The following PARD3 variants were observed in gnomAD, a reference collection of about 807,000 sequenced individuals.
PARD3 encodes par-3 family cell polarity regulator.
PARD3 carries 75 observed loss-of-function variants against 155.4 expected under a neutral mutation model. That is an observed-to-expected ratio of 0.48 (90% CI 0.40 to 0.58). The LOEUF (loss-of-function observed/expected upper bound fraction) is 0.58, where lower values mean the gene tolerates loss of function less well. PARD3 is among the 20% of genes least tolerant of loss of function. The pLI, the probability that PARD3 is intolerant of heterozygous loss-of-function variation, is 0.00. For missense variants in PARD3, 1,642 were observed against 1,721.7 expected (o/e 0.95, Z 0.82); for synonymous variants, 576 against 610.5 (o/e 0.94, Z 0.83).
At chr10:34,200,809 A>AT (rs1951175950) in intron 22 of PARD3, among the ~76,000 whole-genome samples, 2 of 152,242 alleles carry the variant, frequency 1.3e-5, no homozygotes, top group African/African-American at 4.8e-5. Flanking sequence ...CGCCAGGGCT[A>AT]TAAGAGCAGA....
At chr10:34,649,112 T>C (rs1432091846) in intron 2 of PARD3, among the ~76,000 whole-genome samples, 1 of 152,102 alleles carries the variant, frequency 6.6e-6, no homozygotes, top group Non-Finnish European at 1.5e-5. Flanking sequence ...GACATGAGCA[T>C]ACAGAGACAT....
intron 1 of PARD3, among the ~76,000 whole-genome samples, chr10:34,737,831 C>G (rs2094942856): frequency 6.6e-6 from 1 of 152,194 alleles, no homozygotes. Flanking sequence ...CTAAGACACA[C>G]AGCAAACCAG....
chr10:34,724,824 C>T (rs1267854586), intron 1 of PARD3, among the ~76,000 whole-genome samples: 2 of 152,226 alleles, frequency 1.3e-5, no homozygotes, highest in Non-Finnish European at 2.9e-5. Context: ...CTACTGGATG[C>T]TGTAGCCCAA....
intron 23 of PARD3, among the ~76,000 whole-genome samples, chr10:34,124,697 G>T (rs146818923): frequency 6.6e-6 from 1 of 152,094 alleles, no homozygotes; most frequent in South Asian, 2.1e-4. Context: ...AAGCACACCC[G>T]TTTCCCTCAT....
At position 34,411,568 on chromosome 10, in the gene PARD3, G is replaced by T. The variant is rs115662148; in HGVS notation, c.715-9651C>A. 5.6e-3 allele frequency among the ~76,000 whole-genome samples: 848 copies of T among 152,188 alleles called. 9 individuals carry two copies. The highest frequency in any genetic ancestry group is 0.02 in the African/African-American group (827 of 41,524). Reference sequence around the variant, plus strand: ...TGGACTGAAGTATCAGATCTTCTGGGGGACTAGAGCTGCAGGCATTTGGGC... The same window carrying T: ...TGGACTGAAGTATCAGATCTTCTGGTGGACTAGAGCTGCAGGCATTTGGGC... On this transcript the variant is annotated intron_variant, in intron 5 of 24. Coordinates refer to ENST00000374788, the MANE Select transcript of PARD3 (RefSeq NM_001184785.2).
At position 34,761,933 on chromosome 10, in the gene PARD3, T is replaced by TAAATAC. The variant is rs149168690; in HGVS notation, c.120+52937_120+52942dup. ...CACACATATAAACATAACATAGATA[T>TAAATAC]AAATACAAATACATATATATAAAAT... On this transcript the variant is annotated intron_variant, in intron 1 of 24. Transcript: ENST00000374788. 4.9e-3 allele frequency among the ~76,000 whole-genome samples: 739 copies of TAAATAC among 152,184 alleles called. 3 individuals are homozygous for TAAATAC. Among genetic ancestry groups the TAAATAC allele is most frequent in the Non-Finnish European group, 8.8e-3 (599 of 68,006 alleles).
intron 2 of PARD3, among the ~76,000 whole-genome samples, chr10:34,533,986 A>G (rs542985600): frequency 2.9e-4 from 44 of 152,260 alleles, no homozygotes; most frequent in African/African-American, 9.6e-4. Context: ...AAGAGATAAT[A>G]AACACCCCCA....
At chr10:34,370,058 C>A (rs1402261184) in intron 12 of PARD3, among the ~76,000 whole-genome samples, 1 of 152,120 alleles carries the variant, frequency 6.6e-6, no homozygotes, top group African/African-American at 2.4e-5. Flanking sequence ...TAATATTAAG[C>A]CTTTTACAAC....
intron 22 of PARD3, among the ~76,000 whole-genome samples, chr10:34,143,133 A>C (rs1948283257): frequency 6.6e-6 from 1 of 152,186 alleles, no homozygotes; most frequent in South Asian, 2.1e-4. Flanking sequence ...CATCCTGGCC[A>C]ACATGGTGAA....
chr10:34,369,540 T>C (rs962186612), intron 12 of PARD3, among the ~76,000 whole-genome samples: 2 of 152,302 alleles, frequency 1.3e-5, no homozygotes, highest in East Asian at 1.9e-4. Flanking sequence ...CAGTCATAGA[T>C]AGGACTGCAA....
At chr10:34,413,469 A>G (rs1004742159) in intron 5 of PARD3, among the ~76,000 whole-genome samples, 19 of 131,518 alleles carry the variant, frequency 1.4e-4, no homozygotes, top group Admixed American at 7.1e-4. Flanking sequence ...TTTTCCACTT[A>G]TTTGAGAAAC....
intron 20 of PARD3, among the ~76,000 whole-genome samples, chr10:34,285,716 C>T (rs1283663012): frequency 1.3e-5 from 2 of 151,900 alleles, no homozygotes; most frequent in Non-Finnish European, 2.9e-5. Flanking sequence ...CAATACTTGT[C>T]TACATATGAA....
chr10:34,767,383 G>A (rs182281867), intron 1 of PARD3, among the ~76,000 whole-genome samples: 2 of 152,218 alleles, frequency 1.3e-5, no homozygotes, highest in Non-Finnish European at 2.9e-5. Flanking sequence ...CCTCTGAAAC[G>A]TGTGCTCAGG....
chr10:34,207,493 GT>G (rs1214319984), intron 22 of PARD3, among the ~76,000 whole-genome samples: 1 of 152,130 alleles, frequency 6.6e-6, no homozygotes, highest in Non-Finnish European at 1.5e-5. Context: ...TAGAACAACT[GT>G]CCCTGGTCCT....
chr10:34,141,292 A>G (rs1282667370), intron 22 of PARD3, among the ~76,000 whole-genome samples: 1 of 152,236 alleles, frequency 6.6e-6, no homozygotes, highest in African/African-American at 2.4e-5. Flanking sequence ...AAAAAGAATT[A>G]TGAGAAACTC....
chr10:34,507,754 T>TAGATATATGA (rs2081176515), intron 3 of PARD3, among the ~76,000 whole-genome samples: 1 of 152,130 alleles, frequency 6.6e-6, no homozygotes, highest in African/African-American at 2.4e-5. Flanking sequence ...ATCCAATTAA[T>TAGATATATGA]AGATATATGA....
chr10:34,650,358 C>T (rs998628114), intron 2 of PARD3, among the ~76,000 whole-genome samples: 1 of 152,232 alleles, frequency 6.6e-6, no homozygotes, highest in East Asian at 1.9e-4. Context: ...TATAATCTGA[C>T]GGGACCATTG....
chr10:34,541,953 T>A (rs1348695543), intron 2 of PARD3, among the ~76,000 whole-genome samples: 1 of 152,088 alleles, frequency 6.6e-6, no homozygotes, highest in African/African-American at 2.4e-5. Context: ...CATGGCTCCC[T>A]GCAGCCTTGA....
chr10:34,149,400 T>G (rs1948675026), intron 22 of PARD3, among the ~76,000 whole-genome samples: 1 of 152,072 alleles, frequency 6.6e-6, no homozygotes, highest in Non-Finnish European at 1.5e-5. Context: ...ACTTCTAAAT[T>G]CTATTAACTT....
Sources: gnomAD v4.1 joint callset for allele counts (sites outside exome capture counted in the v4.1 genomes callset) on GRCh38, gnomAD v4.1.1 for gene constraint, MANE v1.5 for transcripts, NCBI Gene and HGNC (gene_info 2026-07-23, HGNC 2026-07-21) for gene names.